The following TANGO6 variants were observed in gnomAD, a reference collection of about 807,000 sequenced individuals.
TANGO6 encodes transport and Golgi organization protein 6 homolog.
In TANGO6, 90 loss-of-function variants were observed where a neutral mutation model predicts 114.2. That is an observed-to-expected ratio of 0.79 (90% CI 0.66 to 0.94). The LOEUF (loss-of-function observed/expected upper bound fraction) is 0.94. TANGO6 is among the 40% of genes least tolerant of loss of function. The pLI is 0.00. For missense variants in TANGO6, 1,274 were observed against 1,315.3 expected (o/e 0.97, Z 0.49); for synonymous variants, 477 against 509.8 (o/e 0.94, Z 0.87).
intron 4 of TANGO6, among the ~76,000 whole-genome samples, chr16:68,869,764 G>A (rs1409634771): frequency 6.6e-6 from 1 of 152,150 alleles, no homozygotes; most frequent in Non-Finnish European, 1.5e-5. Flanking sequence ...ACTGAGCCCT[G>A]AAGGCTGAGT....
At chr16:68,940,103 C>G (rs1963336819) in intron 14 of TANGO6, among the ~76,000 whole-genome samples, 1 of 147,204 alleles carries the variant, frequency 6.8e-6, no homozygotes, top group Non-Finnish European at 1.5e-5. Flanking sequence ...TCCTTCCTTC[C>G]TTCTTTTCCT....
intron 15 of TANGO6, among the ~76,000 whole-genome samples, chr16:69,009,396 T>G (rs1401010414): frequency 6.6e-6 from 1 of 152,168 alleles, no homozygotes; most frequent in Non-Finnish European, 1.5e-5. Context: ...GTTTATTTCT[T>G]GACCCTCAGT....
At chr16:68,988,160 A>C (rs1039186085) in intron 15 of TANGO6, among the ~76,000 whole-genome samples, 2 of 151,968 alleles carry the variant, frequency 1.3e-5, no homozygotes, top group Admixed American at 6.5e-5. Flanking sequence ...CTCCCTCCCC[A>C]TTCTCTTCCC....
At chr16:69,013,143 C>T (rs547064756) in intron 15 of TANGO6, among the ~76,000 whole-genome samples, 2 of 150,820 alleles carry the variant, frequency 1.3e-5, no homozygotes, top group South Asian at 4.2e-4. Context: ...TAGGTTAGCA[C>T]ATATACTAAG....
chr16:68,845,860 GT>G (rs1312420200), intron 1 of TANGO6, among the ~76,000 whole-genome samples: 3 of 146,486 alleles, frequency 2.0e-5, no homozygotes, highest in African/African-American at 5.0e-5. Context: ...TTTGTTTTTT[GT>G]TTTTTTTTTG....
At chr16:68,866,952 T>C (rs1171115454) in intron 3 of TANGO6, 127 bp from the exon 4 acceptor site, 1 of 931,644 alleles carries the variant, frequency 1.1e-6, no homozygotes, top group Non-Finnish European at 1.5e-6. Context: ...AATAAATAAG[T>C]CTGCATATCA....
chr16:68,851,989 C>T lies in TANGO6; in HGVS notation c.95-7895C>T, dbSNP rs1009403365. ...CTATAAACTGTCTGTATCTTTTGCT[C>T]ATGTAATGTTTTATACTCTTTGTTC... On this transcript the variant is annotated intron_variant, in intron 1 of 17. Coordinates refer to ENST00000261778, the MANE Select transcript of TANGO6 (RefSeq NM_024562.2). Among the ~76,000 whole-genome samples the T allele has an allele frequency of 2.0e-5, 3 of 152,170 alleles. No individual in the cohort carries two copies. The East Asian group carries it at 5.8e-4, about 29-fold the overall frequency.
chr16:68,936,820 A>AC (rs1358346897), intron 14 of TANGO6, among the ~76,000 whole-genome samples: 4 of 152,068 alleles, frequency 2.6e-5, no homozygotes, highest in African/African-American at 9.7e-5. Flanking sequence ...TAAAAAAAAA[A>AC]AACCACCTGG....
intron 9 of TANGO6, among the ~76,000 whole-genome samples, chr16:68,906,135 G>A (rs1194828736): frequency 2.6e-5 from 4 of 151,968 alleles, no homozygotes; most frequent in Admixed American, 6.5e-5. Context: ...AGCCAAGATC[G>A]CGCCATTGCA....
chr16:68,875,349 G>GA, intron 5 of TANGO6, 59 bp downstream of exon 5: 1 of 1,567,212 alleles, frequency 6.4e-7, no homozygotes, highest in African/African-American at 1.4e-5. Context: ...ACAGAAAGAG[G>GA]ACTTTTAATG....
chr16:68,907,492 G>A lies in TANGO6; in HGVS notation c.1717G>A (p.Gly573Ser), dbSNP rs1465335727. Residue 573 changes from glycine to serine, a missense_variant, in exon 10 of 18, where the codon GGC becomes AGC. Around this residue, in one of 5 missense-constraint regions of TANGO6, gnomAD observed 908 missense variants for 910.2 expected, o/e 1.00. Transcript: ENST00000261778. ...GTACCAGAAGGTATCCTCTGAGCAG[G>A]GCCGGGTGGAGCATCTCGGGGACTT... ...ALYQKVSSEQGRVEHLGDLLS... is the reference protein window; with the variant it reads ...ALYQKVSSEQSRVEHLGDLLS... The A allele has an allele frequency of 2.5e-6, 4 of 1,613,650 alleles. No homozygotes were observed. In the South Asian group the frequency reaches 3.3e-5, roughly 13 times the overall value.
rs773575857 is a variant in TANGO6, at chr16:68,867,125, G to C, written c.899G>C (p.Trp300Ser). The change falls in exon 4 of 18, where the codon TGG (tryptophan) becomes TCG (serine). Residue 300 changes from tryptophan to serine, a missense_variant. Around this residue, in one of 5 missense-constraint regions of TANGO6, gnomAD observed 908 missense variants for 910.2 expected, o/e 1.00. Transcript: ENST00000261778. ...KTQMRCRAPAWLRRLCGQLLS... is the reference protein window; with the variant it reads ...KTQMRCRAPASLRRLCGQLLS... ...CAGATGAGGTGTCGGGCCCCAGCTT[G>C]GCTTCGGCGTCTATGTGGACAGCTG... 13 of 1,613,682 alleles carry C rather than the reference G, an allele frequency of 8.1e-6. No individual in the cohort carries two copies. The highest frequency in any genetic ancestry group is 1.1e-5 in the Non-Finnish European group (13 of 1,179,854).
chr16:68,898,937 A>G (rs1254227062), intron 7 of TANGO6, among the ~76,000 whole-genome samples: 2 of 140,658 alleles, frequency 1.4e-5, no homozygotes, highest in African/African-American at 5.4e-5. Context: ...GATACTTGCA[A>G]TTATCTGCCT....
chr16:68,930,174 G>A, intron 13 of TANGO6, 64 bp from the exon 14 acceptor site: 1 of 1,402,674 alleles, frequency 7.1e-7, no homozygotes, highest in African/African-American at 1.4e-5. Context: ...CTGCTGATAA[G>A]GGAGCCTCTT....
chr16:68,914,958 TACACACACACACACACACACACACAC>T (rs3061679), intron 11 of TANGO6, among the ~76,000 whole-genome samples: 1 of 135,250 alleles, frequency 7.4e-6, no homozygotes, highest in Admixed American at 7.6e-5. Context: ...TTTTGATATC[TACACACACACACACACACACACACAC>T]ACACACACAC....
At chr16:68,962,683 C>T (rs887272832) in intron 14 of TANGO6, among the ~76,000 whole-genome samples, 3 of 151,940 alleles carry the variant, frequency 2.0e-5, no homozygotes, top group Non-Finnish European at 4.4e-5. Context: ...ATTGCTTGAA[C>T]CTGGGAGGCA....
intron 15 of TANGO6, among the ~76,000 whole-genome samples, chr16:68,978,738 G>A (rs1963789348): frequency 6.6e-6 from 1 of 151,856 alleles, no homozygotes; most frequent in South Asian, 2.1e-4. Context: ...GTGGGAGAAT[G>A]CGGCCCACCC....
intron 17 of TANGO6, among the ~76,000 whole-genome samples, chr16:69,045,183 G>C (rs557465395): frequency 2.0e-5 from 3 of 148,654 alleles, no homozygotes; most frequent in Non-Finnish European, 4.5e-5. Flanking sequence ...AGCTGGGCGC[G>C]GCGACTCACA....
chr16:68,867,132 G>C lies in TANGO6; in HGVS notation c.906G>C (p.Arg302=). ...QMRCRAPAWL[R]RLCGQLLSER... is the part of the protein sequence containing the mutation. ...GGTGTCGGGCCCCAGCTTGGCTTCG[G>C]CGTCTATGTGGACAGCTGCTCTCTG... The change falls in exon 4 of 18, where the codon CGG becomes CGC. Residue 302 remains arginine (R), a synonymous_variant. Coordinates refer to ENST00000261778, the MANE Select transcript of TANGO6 (RefSeq NM_024562.2). 1 of 1,613,888 alleles carries C rather than the reference G, an allele frequency of 6.2e-7. No homozygotes were observed. Among genetic ancestry groups the C allele is most frequent in the Non-Finnish European group, 8.5e-7 (1 of 1,179,884 alleles).
Sources: gnomAD v4.1 joint callset for allele counts (sites outside exome capture counted in the v4.1 genomes callset) on GRCh38, gnomAD v4.1.1 for gene constraint, gnomAD v4.1.1 regional missense constraint, MANE v1.5 for transcripts, NCBI Gene and HGNC (gene_info 2026-07-23, HGNC 2026-07-21) for gene names.